The following FARS2 variants were observed in gnomAD, a reference collection of about 807,000 sequenced individuals.
FARS2 encodes phenylalanine--tRNA ligase, mitochondrial.
In FARS2, 40 loss-of-function variants were observed where a neutral mutation model predicts 46.4. That is an observed-to-expected ratio of 0.86 (90% confidence interval 0.67 to 1.12). The LOEUF is 1.12. FARS2 is among the 50% of genes most tolerant of loss of function. The pLI is 0.00. For missense variants in FARS2, 513 were observed against 567.9 expected (o/e 0.90, Z 0.98); for synonymous variants, 234 against 214.9 (o/e 1.09, Z -0.78).
chr6:5,436,761 G>A (rs1026922997), intron 4 of FARS2, among the ~76,000 whole-genome samples: 1 of 152,130 alleles, frequency 6.6e-6, no homozygotes, highest in African/African-American at 2.4e-5. Flanking sequence ...TGTTCATAGA[G>A]CATCAGAGTC....
At chr6:5,421,204 G>A (rs1762528637) in intron 3 of FARS2, among the ~76,000 whole-genome samples, 1 of 152,118 alleles carries the variant, frequency 6.6e-6, no homozygotes, top group African/African-American at 2.4e-5. Context: ...AAGGTTTGAG[G>A]CCTGCACCCT....
At chr6:5,755,500 C>T (rs938016611) in intron 6 of FARS2, among the ~76,000 whole-genome samples, 12 of 152,130 alleles carry the variant, frequency 7.9e-5, no homozygotes, top group Non-Finnish European at 1.0e-4. Context: ...TCATCCATGT[C>T]CCTGCCATTC....
At chr6:5,687,417 G>C (rs1197931423) in intron 6 of FARS2, among the ~76,000 whole-genome samples, 1 of 152,116 alleles carries the variant, frequency 6.6e-6, no homozygotes. Flanking sequence ...TTCTACATAT[G>C]GCTAGCCAGT....
chr6:5,403,663 A>C (rs2503823), intron 2 of FARS2, among the ~76,000 whole-genome samples: 12,519 of 152,174 alleles, frequency 0.082, 1,077 homozygotes, highest in African/African-American at 0.22. Context: ...TCTAATTATC[A>C]AAACCAACAT....
intron 5 of FARS2, among the ~76,000 whole-genome samples, chr6:5,599,916 T>C (rs910808331): frequency 6.6e-6 from 1 of 152,032 alleles, no homozygotes; most frequent in Admixed American, 6.6e-5. Context: ...AAGCATTAAG[T>C]TCAGGCAGGG....
intron 6 of FARS2, among the ~76,000 whole-genome samples, chr6:5,704,179 G>A (rs1758604634): frequency 6.6e-6 from 1 of 152,202 alleles, no homozygotes; most frequent in Admixed American, 6.5e-5. Flanking sequence ...CTGGAAGCTG[G>A]GAAGGCCAAG....
chr6:5,460,202 A>T (rs1250598752), intron 4 of FARS2, among the ~76,000 whole-genome samples: 2 of 152,174 alleles, frequency 1.3e-5, no homozygotes, highest in African/African-American at 4.8e-5. Context: ...ATGCAAACAC[A>T]TACTCTCTGC....
intron 6 of FARS2, among the ~76,000 whole-genome samples, chr6:5,699,498 G>C (rs1421301439): frequency 6.6e-6 from 1 of 151,702 alleles, no homozygotes; most frequent in Admixed American, 6.6e-5. Context: ...GATCTTAACA[G>C]GATCACAGGA....
chr6:5,359,963 C>T (rs1758197214), intron 1 of FARS2, among the ~76,000 whole-genome samples: 1 of 152,186 alleles, frequency 6.6e-6, no homozygotes, highest in African/African-American at 2.4e-5. Flanking sequence ...TTATTCACTT[C>T]TTCAAGGCTG....
intron 6 of FARS2, among the ~76,000 whole-genome samples, chr6:5,756,164 A>G (rs1441564951): frequency 6.6e-6 from 1 of 152,170 alleles, no homozygotes; most frequent in African/African-American, 2.4e-5. Context: ...GGTTACAATA[A>G]TGGATACTTT....
intron 4 of FARS2, among the ~76,000 whole-genome samples, chr6:5,446,895 A>G (rs183222): frequency 0.84 from 128,282 of 151,982 alleles, 54,305 homozygotes; most frequent in East Asian, 0.96. Flanking sequence ...GTGCAGAGAC[A>G]CAGGGAGGGA....
chr6:5,549,884 ACT>A (rs1335647228), intron 5 of FARS2, among the ~76,000 whole-genome samples: 2 of 152,084 alleles, frequency 1.3e-5, no homozygotes. Flanking sequence ...GGTCCCACAA[ACT>A]CTGAACCCAT....
intron 6 of FARS2, among the ~76,000 whole-genome samples, chr6:5,729,398 C>T (rs775692810): frequency 5.9e-5 from 9 of 152,024 alleles, no homozygotes; most frequent in Non-Finnish European, 7.4e-5. Context: ...GGAATGGGGG[C>T]GTGGACGTCC....
chr6:5,606,435 T>C (rs142180546), intron 5 of FARS2, among the ~76,000 whole-genome samples: 15 of 151,928 alleles, frequency 9.9e-5, no homozygotes, highest in Non-Finnish European at 1.8e-4. Flanking sequence ...ATTATTAAAG[T>C]GTGAGGGGTT....
chr6:5,591,041 A>T (rs1773889068), intron 5 of FARS2, among the ~76,000 whole-genome samples: 1 of 152,238 alleles, frequency 6.6e-6, no homozygotes, highest in South Asian at 2.1e-4. Flanking sequence ...ATCAAAGAAA[A>T]TAAGTATAAG....
At chr6:5,683,788 A>G (rs1779155992) in intron 6 of FARS2, among the ~76,000 whole-genome samples, 1 of 151,980 alleles carries the variant, frequency 6.6e-6, no homozygotes, top group Non-Finnish European at 1.5e-5. Flanking sequence ...ACCTCTCGAC[A>G]GGCCCCGGTA....
At chr6:5,310,439 TC>T (rs1373862650) in intron 1 of FARS2, among the ~76,000 whole-genome samples, 6 of 151,034 alleles carry the variant, frequency 4.0e-5, no homozygotes, top group African/African-American at 1.5e-4. Context: ...AGTCAAAAGA[TC>T]AGCCACAAAC....
At chr6:5,609,600 C>T in intron 5 of FARS2, 6 of 1,258,662 alleles carry the variant, frequency 4.8e-6, no homozygotes, top group Non-Finnish European at 6.9e-6. Flanking sequence ...TCCAGAACCA[C>T]TTCACCTCTT....
At position 5,283,691 on chromosome 6, in the gene FARS2, G is replaced by A. The variant is rs376456413; in HGVS notation, c.-22+22031G>A. ...TATATGCATAAACTACATTTATATC[G>A]CATTTCTAAAAGGTGTCAGGTACCA... On this transcript the variant is annotated intron_variant, in intron 1 of 6. Coordinates refer to ENST00000274680, the MANE Select transcript of FARS2 (RefSeq NM_006567.5). Among the ~76,000 whole-genome samples, 13 of 151,894 alleles carry A rather than the reference G, an allele frequency of 8.6e-5. 1 individual carries two copies. The South Asian group carries it at 1.9e-3, about 22-fold the overall frequency.
Sources: allele counts gnomAD v4.1 joint callset (sites outside exome capture counted in the v4.1 genomes callset), GRCh38; gene constraint gnomAD v4.1.1; transcripts MANE v1.5; gene names NCBI Gene and HGNC (gene_info 2026-07-23, HGNC 2026-07-21).